The following NUCB2 variants were observed in gnomAD, a reference collection of about 807,000 sequenced individuals.
NUCB2 encodes the protein nucleobindin 2.
In NUCB2, 48 loss-of-function variants were observed where a neutral mutation model predicts 57.9. The ratio of observed to expected loss-of-function variants is 0.83; its 90% CI spans 0.66 to 1.05. The LOEUF (loss-of-function observed/expected upper bound fraction) is 1.05, where lower values mean the gene tolerates loss of function less well. NUCB2 is among the 50% of genes least tolerant of loss of function. The probability of loss-of-function intolerance (pLI) is 0.00; values close to 1 mark genes in which losing one functional copy is unlikely to be tolerated. For synonymous variants in NUCB2, 139 were observed against 152.1 expected (o/e 0.91, Z 0.64); for missense variants, 442 against 476.2 (o/e 0.93, Z 0.67).
chr11:17,296,236 C>T (rs550714717), intron 4 of NUCB2, 25 bp downstream of exon 4: 3 of 1,388,736 alleles, frequency 2.2e-6, no homozygotes, highest in Admixed American at 3.8e-5. Context: ...ATAATATATA[C>T]ATATATGTAT....
At chr11:17,348,319 G>GTTTTT (rs55741571) in intron 2 of NUCB2, among the ~76,000 whole-genome samples, 2 of 84,470 alleles carry the variant, frequency 2.4e-5, no homozygotes, top group Non-Finnish European at 4.3e-5. Flanking sequence ...TTGTTTTTGT[G>GTTTTT]TTTTTTTTTT....
intron 2 of NUCB2, among the ~76,000 whole-genome samples, chr11:17,338,159 A>G (rs1246986841): frequency 2.6e-5 from 4 of 152,222 alleles, no homozygotes; most frequent in African/African-American, 9.7e-5. Context: ...GTTTATTGAG[A>G]CAAAAGCAAA....
intron 5 of NUCB2, among the ~76,000 whole-genome samples, chr11:17,305,015 A>G (rs1253102888): frequency 6.6e-6 from 1 of 152,254 alleles, no homozygotes; most frequent in Non-Finnish European, 1.5e-5. Flanking sequence ...GAATTTTTCA[A>G]AGTGCATATG....
At position 17,305,994 on chromosome 11, in the gene NUCB2, C is replaced by G. The variant is rs181510005; in HGVS notation, c.380-3578C>G. Among the ~76,000 whole-genome samples, 11 of 152,256 alleles carry G rather than the reference C, an allele frequency of 7.2e-5. No homozygotes were observed. In the South Asian group the frequency reaches 8.3e-4, roughly 11 times the overall value. On this transcript the variant is annotated intron_variant, in intron 5 of 13. Transcript: ENST00000529010. ...GACAAAGGTATAGTTAAAACCACAT[C>G]TCTTATATCCTTTATCAGAATAATT...
At chr11:17,325,347 T>C in intron 11 of NUCB2, among the ~76,000 whole-genome samples, 2 of 152,350 alleles carry the variant, frequency 1.3e-5, no homozygotes, top group East Asian at 3.9e-4. Flanking sequence ...TAATATTTGC[T>C]TAATATATCT....
At chr11:17,297,071 T>C (rs1945937317) in intron 4 of NUCB2, among the ~76,000 whole-genome samples, 1 of 152,206 alleles carries the variant, frequency 6.6e-6, no homozygotes, top group African/African-American at 2.4e-5. Flanking sequence ...TGAGAGATTC[T>C]TGTAAAGTCT....
intron 2 of NUCB2, among the ~76,000 whole-genome samples, chr11:17,342,899 T>C (rs979359349): frequency 2.6e-5 from 4 of 152,212 alleles, no homozygotes; most frequent in African/African-American, 9.6e-5. Flanking sequence ...ATCTGTCTAA[T>C]GTTGACAGTG....
At chr11:17,295,250 G>T in intron 2 of NUCB2, 74 bp from the exon 3 acceptor site, 2 of 1,249,054 alleles carry the variant, frequency 1.6e-6, no homozygotes, top group East Asian at 2.7e-5. Context: ...TATGATTAAT[G>T]TGACATTCGG....
In NUCB2 at chr11:17,293,746, T is replaced by A. The variant is rs529102858; in HGVS notation, c.1-1578T>A. On this transcript the variant is annotated intron_variant, in intron 2 of 13. Coordinates refer to ENST00000529010, the MANE Select transcript of NUCB2 (RefSeq NM_005013.4). ...TAAAGTCCTGATACTTGTTACAATG[T>A]TGTTGGACCTGGAAACATACTGCTA... Among the ~76,000 whole-genome samples the A allele has an allele frequency of 6.8e-4, 104 of 152,274 alleles. 1 individual carries two copies. The South Asian group carries it at 0.021, about 30-fold the overall frequency.
intron 11 of NUCB2, among the ~76,000 whole-genome samples, chr11:17,316,156 G>C (rs971298011): frequency 5.9e-5 from 9 of 151,964 alleles, no homozygotes; most frequent in Admixed American, 4.6e-4. Flanking sequence ...ATTTTTAGTA[G>C]AGATGGGGTT....
At chr11:17,285,124 A>G (rs1412171371) in intron 2 of NUCB2, among the ~76,000 whole-genome samples, 1 of 152,170 alleles carries the variant, frequency 6.6e-6, no homozygotes, top group Admixed American at 6.5e-5. Context: ...GTTGAGGAAG[A>G]TGGAAAAAGA....
chr11:17,286,757 A>T (rs1191915083), intron 2 of NUCB2: 2 of 152,218 alleles, frequency 1.3e-5, no homozygotes, highest in East Asian at 1.9e-4. Context: ...CTTATCACTC[A>T]TCTCTTTCTT....
At chr11:17,346,607 A>G (rs1015555708) in intron 2 of NUCB2, among the ~76,000 whole-genome samples, 2 of 152,226 alleles carry the variant, frequency 1.3e-5, no homozygotes, top group Non-Finnish European at 2.9e-5. Flanking sequence ...GGTATAGTGG[A>G]AAGTCCTGGA....
At position 17,297,461 on chromosome 11, in the gene NUCB2, T is replaced by C. The variant is rs184425025; in HGVS notation, c.252+1250T>C. Among the ~76,000 whole-genome samples, 374 of 152,318 alleles carry C rather than the reference T, an allele frequency of 2.5e-3. 4 individuals carry two copies. The highest frequency in any genetic ancestry group is 1.5e-3 in the Non-Finnish European group (105 of 68,040). The stretch of plus-strand genomic sequence containing the variant: ...TTCTGGGGAAAAGGTAATAGTGTTA[T>C]GCTAATAATTCCCCGGAATTGTCTT... On this transcript the variant is annotated intron_variant, in intron 4 of 13. Coordinates refer to ENST00000529010, the MANE Select transcript of NUCB2 (RefSeq NM_005013.4).
intron 2 of NUCB2, among the ~76,000 whole-genome samples, chr11:17,283,780 C>T (rs906652545): frequency 1.3e-5 from 2 of 152,160 alleles, no homozygotes; most frequent in Non-Finnish European, 2.9e-5. Context: ...TAAGTTATCC[C>T]AAGGGTATCA....
chr11:17,311,043 G>A lies in NUCB2; in HGVS notation c.669+33G>A, dbSNP rs2138916108. ...TTGTGACTTTATGAAACCATTTTTA[G>A]ATAAAGATACTTCTTCGTATCAGCG... On this transcript the variant is annotated intron_variant, in intron 7 of 13. Coordinates refer to ENST00000529010, the MANE Select transcript of NUCB2 (RefSeq NM_005013.4). The A allele has an allele frequency of 2.6e-6, 4 of 1,517,578 alleles. No homozygotes were observed. The East Asian group carries it at 9.1e-5, about 35-fold the overall frequency. 94.0% of individuals were successfully genotyped at this position (1,517,578 alleles called of 1,614,324 possible). A position where few individuals can be genotyped will look rare whatever the true frequency, so the allele number is the denominator to read the frequency against.
chr11:17,302,548 A>T (rs1946912215), intron 5 of NUCB2, among the ~76,000 whole-genome samples: 3 of 151,978 alleles, frequency 2.0e-5, no homozygotes, highest in African/African-American at 7.2e-5. Flanking sequence ...CAAGATCCAG[A>T]CCATTTCTTT....
chr11:17,345,954 C>T (rs1470774590), intron 2 of NUCB2, among the ~76,000 whole-genome samples: 1 of 151,914 alleles, frequency 6.6e-6, no homozygotes, highest in Non-Finnish European at 1.5e-5. Context: ...TGTAAAAATT[C>T]TTCCAGTGCA....
chr11:17,330,707 G>C lies in NUCB2; in HGVS notation c.1174-195G>C, dbSNP rs1194051432. ...TGGTCTCGAACTCCTGGCCTTAAGT[G>C]ATCTTCCCACCTGGGCCTCTGAAAT... is the stretch of plus-strand genomic sequence containing the variant. On this transcript the variant is annotated intron_variant, in intron 12 of 13. Transcript: ENST00000529010. This position sits in a 1 kb window ranked among gnomAD's most constrained non-coding sequence, Gnocchi z 4.3. 1.3e-5 allele frequency among the ~76,000 whole-genome samples: 2 copies of C among 152,162 alleles called. No homozygotes were observed. The highest frequency in any genetic ancestry group is 2.4e-5 in the African/African-American group (1 of 41,434).
Sources: gnomAD v4.1 joint callset for allele counts (sites outside exome capture counted in the v4.1 genomes callset) on GRCh38, gnomAD v4.1.1 for gene constraint, Gnocchi (gnomAD v3.1) non-coding constraint, MANE v1.5 for transcripts, NCBI Gene and HGNC (gene_info 2026-07-23, HGNC 2026-07-21) for gene names.